PRRC2B: variants seen among roughly 807,000 people sequenced by gnomAD.
The protein encoded by PRRC2B is protein PRRC2B.
PRRC2B carries 68 observed loss-of-function variants against 242.3 expected under a neutral mutation model. That is an observed-to-expected ratio of 0.28 (90% CI 0.23 to 0.34). The LOEUF (loss-of-function observed/expected upper bound fraction) is 0.34, where lower values mean the gene tolerates loss of function less well. PRRC2B is among the 10% of genes least tolerant of loss of function. PRRC2B has a pLI of 1.00. For synonymous variants in PRRC2B, 1,228 were observed against 1,173.6 expected (o/e 1.05, Z -0.95); for missense variants, 2,835 against 2,954.8 (o/e 0.96, Z 0.94).
At chr9:131,491,253 G>A (rs1944185468) in intron 28 of PRRC2B, 172 bp from the exon 29 acceptor site, 1 of 630,506 alleles carries the variant, frequency 1.6e-6, no homozygotes, top group African/African-American at 1.9e-5. Flanking sequence ...GAAATCCTGG[G>A]CGATCTCTCC....
Position 131,496,234 on chromosome 9 carries a change from C to G in PRRC2B, c.*360C>G, listed in dbSNP as rs1001076780. 1 of 208,490 alleles carries G rather than the reference C, an allele frequency of 4.8e-6. No individual in the cohort carries two copies. Among genetic ancestry groups the G allele is most frequent in the African/African-American group, 2.3e-5 (1 of 43,696 alleles). The allele number at this position is 208,490 out of a possible 1,614,324, so 12.9% of individuals were successfully genotyped here. On this transcript the variant is annotated 3_prime_UTR_variant, in exon 32 of 32. Coordinates refer to ENST00000683519, the MANE Select transcript of PRRC2B (RefSeq NM_013318.4). ...TTCTCAGCAGTGCTTCCGGCCCAGC[C>G]GCCCATCCCTAGGCACAGTGATTTG...
At chr9:131,405,727 T>C (rs1372264506) in intron 1 of PRRC2B, among the ~76,000 whole-genome samples, 1 of 150,854 alleles carries the variant, frequency 6.6e-6, no homozygotes, top group South Asian at 2.1e-4. Flanking sequence ...CCTGGGGGGG[T>C]TATTGTTAGC....
intron 13 of PRRC2B, 119 bp downstream of exon 13, chr9:131,467,872 G>A: frequency 9.9e-7 from 1 of 1,010,260 alleles, no homozygotes; most frequent in Non-Finnish European, 1.4e-6. Flanking sequence ...TATCCCTTAT[G>A]TGCCCCCAAG....
intron 1 of PRRC2B, among the ~76,000 whole-genome samples, chr9:131,429,147 A>G (rs1313256859): frequency 6.6e-6 from 1 of 152,124 alleles, no homozygotes; most frequent in African/African-American, 2.4e-5. Context: ...GGGTTTCGCC[A>G]TGCTGGCCAG....
chr9:131,411,381 C>T (rs1442331327), intron 1 of PRRC2B, among the ~76,000 whole-genome samples: 3 of 142,630 alleles, frequency 2.1e-5, no homozygotes, highest in African/African-American at 7.8e-5. Context: ...GAGTCTTGCT[C>T]TGTTGCCCAG....
Position 131,447,787 on chromosome 9 carries a change from C to T in PRRC2B, c.1103C>T (p.Ala368Val). ...GGCCTTGACGATCTGGACGCCGATG[C>T]CGATGATGGCTGGGCAGGTGGGCAG... ...LKGLDDLDAD[A>V]DDGWAGLHEE... The change falls in exon 9 of 32, where the codon GCC (alanine) becomes GTC (valine). Residue 368 changes from alanine (A) to valine (V), a missense_variant. Ala to Val is a moderately conservative substitution (Grantham distance 64, BLOSUM62 0). Coordinates refer to ENST00000683519, the MANE Select transcript of PRRC2B (RefSeq NM_013318.4). 1.9e-6 allele frequency: 3 copies of T among 1,612,676 alleles called. No homozygotes were observed. The highest frequency in any genetic ancestry group is 1.7e-4 in the Middle Eastern group (1 of 5,932).
intron 1 of PRRC2B, among the ~76,000 whole-genome samples, chr9:131,397,689 C>G (rs1837107631): frequency 6.8e-6 from 1 of 146,292 alleles, no homozygotes; most frequent in African/African-American, 2.5e-5. Flanking sequence ...GTGTTGGTTT[C>G]TATTTCAAAC....
At chr9:131,481,406 G>C (rs1275864690) in intron 19 of PRRC2B, among the ~76,000 whole-genome samples, 2 of 151,750 alleles carry the variant, frequency 1.3e-5, no homozygotes, top group African/African-American at 4.8e-5. Flanking sequence ...AAAGAAGCAT[G>C]AGCATAGCGG....
At position 131,394,241 on chromosome 9, in the gene PRRC2B, C is replaced by A. The variant is rs1049487093; in HGVS notation, c.-74C>A. On this transcript the variant is annotated 5_prime_UTR_variant, in exon 1 of 32. Coordinates refer to ENST00000683519, the MANE Select transcript of PRRC2B (RefSeq NM_013318.4). ...GCCCGACTGCCATCGCCCGGCCCGG[C>A]CGCGCCCGCGGAACCAGACCAGGTG... The A allele has an allele frequency of 2.0e-5, 3 of 147,774 alleles. No homozygotes were observed. Among genetic ancestry groups the A allele is most frequent in the African/African-American group, 7.3e-5 (3 of 40,866 alleles). The allele number at this position is 147,774 out of a possible 1,614,324, so 9.2% of individuals were successfully genotyped here.
chr9:131,489,590 A>G (rs1033674332), intron 28 of PRRC2B, among the ~76,000 whole-genome samples: 2 of 151,908 alleles, frequency 1.3e-5, no homozygotes, highest in Non-Finnish European at 2.9e-5. Flanking sequence ...TGTGGCTCCC[A>G]GTCAACCCCC....
chr9:131,420,453 T>TTCTTTCTTTCTTTCTTTCTTTC (rs1554758580), intron 1 of PRRC2B, among the ~76,000 whole-genome samples: 16 of 61,054 alleles, frequency 2.6e-4, no homozygotes, highest in Admixed American at 1.1e-3. Flanking sequence ...TTCTTTTTCT[T>TTCTTTCTTTCTTTCTTTCTTTC]TTTCTTTCTT....
intron 1 of PRRC2B, among the ~76,000 whole-genome samples, chr9:131,418,962 T>C (rs1439147683): frequency 1.3e-5 from 2 of 152,224 alleles, no homozygotes; most frequent in African/African-American, 4.8e-5. Context: ...GATCCAGGGA[T>C]CTAATCTGGG....
chr9:131,397,380 T>G (rs1220843667), intron 1 of PRRC2B, among the ~76,000 whole-genome samples: 1 of 152,178 alleles, frequency 6.6e-6, no homozygotes, highest in Non-Finnish European at 1.5e-5. Context: ...CCAGGAAACC[T>G]CGGGAGAGTG....
At chr9:131,419,718 T>C (rs1219169069) in intron 1 of PRRC2B, among the ~76,000 whole-genome samples, 1 of 152,212 alleles carries the variant, frequency 6.6e-6, no homozygotes, top group African/African-American at 2.4e-5. Flanking sequence ...TTCATCTTAA[T>C]CCACGAGGAA....
At chr9:131,438,212 A>G (rs974007954) in intron 4 of PRRC2B, among the ~76,000 whole-genome samples, 9 of 152,130 alleles carry the variant, frequency 5.9e-5, no homozygotes, top group Non-Finnish European at 1.0e-4. Context: ...TGTGAGATGA[A>G]TGTTAGTTGA....
At chr9:131,495,657 C>CAGGA in intron 31 of PRRC2B, 83 bp from the exon 32 acceptor site, 1 of 1,475,196 alleles carries the variant, frequency 6.8e-7, no homozygotes, top group African/African-American at 1.4e-5. Context: ...AACTCAGGAG[C>CAGGA]AGGAAGGGAG....
At chr9:131,379,791 A>G (rs1836732349) in intron 1 of PRRC2B, among the ~76,000 whole-genome samples, 2 of 150,438 alleles carry the variant, frequency 1.3e-5, no homozygotes, top group African/African-American at 2.4e-5. Flanking sequence ...ATGCCTGGCT[A>G]ATTTGTGTAT....
chr9:131,475,077 C>T lies in PRRC2B; in HGVS notation c.2948C>T (p.Ala983Val), dbSNP rs1179915917. Residue 983 changes from alanine to valine, a missense_variant, in exon 16 of 32, where the codon GCA (alanine) becomes GTA (valine). Ala to Val is a moderately conservative substitution (Grantham distance 64). Around this residue, in one of 7 missense-constraint regions of PRRC2B, gnomAD observed 1,536 missense variants for 1,483.1 expected, o/e 1.04. Coordinates refer to ENST00000683519, the MANE Select transcript of PRRC2B (RefSeq NM_013318.4). Reference protein sequence around the residue: ...LAKEKEQSPTAEKDEDEENDA... With the variant: ...LAKEKEQSPTVEKDEDEENDA... ...AAGGAGAAGGAGCAGAGCCCCACGG[C>T]AGAAAAGGATGAGGACGAAGAGAAC... 1 of 1,610,986 alleles carries T rather than the reference C, an allele frequency of 6.2e-7. No individual in the cohort carries two copies. The highest frequency in any genetic ancestry group is 8.5e-7 in the Non-Finnish European group (1 of 1,178,536).
intron 1 of PRRC2B, among the ~76,000 whole-genome samples, chr9:131,416,937 T>C (rs1354227604): frequency 2.0e-5 from 3 of 152,200 alleles, no homozygotes; most frequent in Non-Finnish European, 4.4e-5. Context: ...ATTAATTTTA[T>C]AATACATATT....
Sources: allele counts gnomAD v4.1 joint callset (sites outside exome capture counted in the v4.1 genomes callset), GRCh38; gene constraint gnomAD v4.1.1; regional missense constraint gnomAD v4.1.1; transcripts MANE v1.5; gene names NCBI Gene and HGNC (gene_info 2026-07-23, HGNC 2026-07-21).